Variants in LRCH1 observed in about 807,000 individuals in gnomAD.
The protein encoded by LRCH1 is leucine-rich repeat and calponin homology domain-containing protein 1.
LRCH1 carries 23 observed loss-of-function variants against 94.9 expected under a neutral mutation model. The observed-to-expected ratio is 0.24, with a 90% CI of 0.17 to 0.34. The LOEUF (loss-of-function observed/expected upper bound fraction) is 0.34. LRCH1 is among the 10% of genes least tolerant of loss of function. The pLI, the probability that LRCH1 is intolerant of heterozygous loss-of-function variation, is 1.00. For synonymous variants in LRCH1, 364 were observed against 354.9 expected (o/e 1.03, Z -0.29); for missense variants, 790 against 945.9 (o/e 0.84, Z 2.16).
At chr13:46,570,213 T>C (rs977179177) in intron 1 of LRCH1, among the ~76,000 whole-genome samples, 1 of 152,222 alleles carries the variant, frequency 6.6e-6, no homozygotes, top group East Asian at 1.9e-4. Flanking sequence ...ATCACATGGC[T>C]ACTAAGTGGC....
intron 3 of LRCH1, among the ~76,000 whole-genome samples, chr13:46,672,478 G>A (rs909932094): frequency 1.6e-4 from 24 of 152,220 alleles, no homozygotes; most frequent in African/African-American, 4.6e-4. Flanking sequence ...TCCATCAGCT[G>A]TGCTCTAGAG....
At position 46,572,895 on chromosome 13, in the gene LRCH1, G is replaced by T. The variant is rs138550330; in HGVS notation, c.307+19192G>T. On this transcript the variant is annotated intron_variant, in intron 1 of 19. Transcript: ENST00000389797. The stretch of plus-strand genomic sequence containing the variant: ...TGTGACAAGGATAGTAGCGTGCTCA[G>T]TAGCTTGCAACCACGTTGCCTGGGT... 2.1e-3 allele frequency among the ~76,000 whole-genome samples: 316 copies of T among 152,186 alleles called. 1 individual carries two copies. Among genetic ancestry groups the T allele is most frequent in the African/African-American group, 7.0e-3 (291 of 41,512 alleles).
chr13:46,569,663 C>T (rs1414809195), intron 1 of LRCH1, among the ~76,000 whole-genome samples: 1 of 152,152 alleles, frequency 6.6e-6, no homozygotes, highest in African/African-American at 2.4e-5. Context: ...CACAGGGCCT[C>T]TGGTATCTGG....
In LRCH1 at chr13:46,553,621, G is replaced by A; in HGVS notation, c.225G>A (p.Gly75=). 1.3e-6 allele frequency: 2 copies of A among 1,583,206 alleles called. No homozygotes were observed. The highest frequency in any genetic ancestry group is 2.3e-5 in the East Asian group (1 of 42,752). The change falls in exon 1 of 20, where the codon GGG becomes GGA. Residue 75 remains glycine, a synonymous_variant. Transcript: ENST00000389797. The part of the protein sequence containing the change: ...RALEEAANSG[G]LNLSARKLKE... ...TTGAGGAGGCGGCCAACTCCGGGGGGCTGAACCTGAGCGCCAGGAAATTGA... is the reference window on the plus strand; with the variant it reads ...TTGAGGAGGCGGCCAACTCCGGGGGACTGAACCTGAGCGCCAGGAAATTGA...
chr13:46,688,257 A>G (rs1300292316), intron 6 of LRCH1, among the ~76,000 whole-genome samples: 1 of 152,204 alleles, frequency 6.6e-6, no homozygotes, highest in Admixed American at 6.5e-5. Context: ...TCCTGAGTAA[A>G]TATGTGCATA....
At position 46,652,070 on chromosome 13, in the gene LRCH1, T is replaced by G. The variant is rs539878613; in HGVS notation, c.452+1725T>G. ...GCCTGCTGATGTTTTTTTTTTTTTT[T>G]TTTTTGTTTTGTTTTGTTTGTTTTG... On this transcript the variant is annotated intron_variant, in intron 2 of 19. Coordinates refer to ENST00000389797, the MANE Select transcript of LRCH1 (RefSeq NM_001164211.2). Among the ~76,000 whole-genome samples the G allele has an allele frequency of 3.2e-4, 42 of 132,354 alleles. 2 individuals carry two copies. Among genetic ancestry groups the G allele is most frequent in the African/African-American group, 7.7e-4 (27 of 35,092 alleles). The allele number at this position is 132,354 out of a possible 152,430, so 86.8% of individuals were successfully genotyped here. A position where few individuals can be genotyped will look rare whatever the true frequency, so the allele number is the denominator to read the frequency against.
intron 9 of LRCH1, among the ~76,000 whole-genome samples, chr13:46,695,760 A>C (rs1279387391): frequency 6.6e-6 from 1 of 152,100 alleles, no homozygotes; most frequent in East Asian, 1.9e-4. Flanking sequence ...TGGGATCCCT[A>C]AGTACTCATC....
At chr13:46,719,052 T>C (rs867649811) in intron 16 of LRCH1, among the ~76,000 whole-genome samples, 1 of 152,288 alleles carries the variant, frequency 6.6e-6, no homozygotes, top group African/African-American at 2.4e-5. Flanking sequence ...AAATATCTGC[T>C]GAGTGCCTAT....
At chr13:46,726,498 AG>A (rs1028046264) in intron 17 of LRCH1, among the ~76,000 whole-genome samples, 1 of 152,216 alleles carries the variant, frequency 6.6e-6, no homozygotes, top group Admixed American at 6.5e-5. Context: ...AAGACACAAA[AG>A]TTTTAGACCA....
intron 1 of LRCH1, among the ~76,000 whole-genome samples, chr13:46,587,988 G>A (rs1742685850): frequency 6.6e-6 from 1 of 152,134 alleles, no homozygotes; most frequent in Admixed American, 6.5e-5. Flanking sequence ...AGCATTATGG[G>A]AATATTTAAA....
intron 11 of LRCH1, 121 bp downstream of exon 11, chr13:46,701,328 A>G: frequency 1.6e-6 from 1 of 619,000 alleles, no homozygotes; most frequent in Non-Finnish European, 2.8e-6. Flanking sequence ...AGCTACTAAC[A>G]AAGAAAAGTC....
chr13:46,661,754 G>A (rs1033773109), intron 2 of LRCH1, among the ~76,000 whole-genome samples: 2 of 152,148 alleles, frequency 1.3e-5, no homozygotes, highest in African/African-American at 2.4e-5. Context: ...AGAGGAACGC[G>A]TCTTCAAGTG....
chr13:46,636,158 T>C (rs113535246), intron 1 of LRCH1, among the ~76,000 whole-genome samples: 13,235 of 149,296 alleles, frequency 0.089, 672 homozygotes, highest in Middle Eastern at 0.16. Context: ...TAACCTCTGC[T>C]TCCTGGGTTC....
chr13:46,603,685 T>A (rs1197262853), intron 1 of LRCH1, among the ~76,000 whole-genome samples: 1 of 152,220 alleles, frequency 6.6e-6, no homozygotes, highest in Admixed American at 6.5e-5. Context: ...CAGAGTACTA[T>A]GAGATGAGGG....
At chr13:46,601,776 G>T (rs1232994747) in intron 1 of LRCH1, among the ~76,000 whole-genome samples, 1 of 152,130 alleles carries the variant, frequency 6.6e-6, no homozygotes, top group African/African-American at 2.4e-5. Context: ...GCTGTTTTTC[G>T]TAGGGGGTTA....
rs376232729 is a variant in LRCH1, at chr13:46,652,494, T to C, written c.452+2149T>C. Reference sequence around the variant, plus strand: ...GGTGTAGGTTACTGTTAGGATTGTCTGGAGGCTCATATATCTAATCTTCAC... The same window carrying C: ...GGTGTAGGTTACTGTTAGGATTGTCCGGAGGCTCATATATCTAATCTTCAC... On this transcript the variant is annotated intron_variant, in intron 2 of 19. Transcript: ENST00000389797. Among the ~76,000 whole-genome samples the C allele has an allele frequency of 4.6e-5, 7 of 152,302 alleles. No individual in the cohort carries two copies. The South Asian group carries it at 6.2e-4, about 14-fold the overall frequency.
At chr13:46,603,181 G>T (rs2050650296) in intron 1 of LRCH1, among the ~76,000 whole-genome samples, 1 of 152,008 alleles carries the variant, frequency 6.6e-6, no homozygotes, top group Non-Finnish European at 1.5e-5. Context: ...GACACGGAGA[G>T]CCTCTAATTT....
Position 46,742,310 on chromosome 13 carries a change from G to T in LRCH1, c.*462G>T, listed in dbSNP as rs1873704717. On this transcript the variant is annotated 3_prime_UTR_variant, in exon 20 of 20. Transcript: ENST00000389797. Reference sequence around the variant, plus strand: ...GAGCTGTATAGGGGCCACCTTGCAGGGAGGACAGAAAACTAACATTTTGGC... The same window carrying T: ...GAGCTGTATAGGGGCCACCTTGCAGTGAGGACAGAAAACTAACATTTTGGC... 5.0e-6 allele frequency: 5 copies of T among 1,001,076 alleles called. No individual in the cohort carries two copies. The South Asian group carries it at 2.2e-4, about 44-fold the overall frequency. The allele number at this position is 1,001,076 out of a possible 1,614,324, so 62.0% of individuals were successfully genotyped here.
At position 46,681,851 on chromosome 13, in the gene LRCH1, A is replaced by G. The variant is rs2051755658; in HGVS notation, c.685+5A>G. The stretch of plus-strand genomic sequence containing the variant: ...ACCTTAAAGTTTTACCACAAGGTAA[A>G]AAAGAAAGAGGGAAAATGAAGAAAA... On this transcript the variant is annotated splice_donor_5th_base_variant and intron_variant, in intron 4 of 19. Transcript: ENST00000389797. The G allele has an allele frequency of 2.5e-6, 4 of 1,573,044 alleles. No homozygotes were observed. The South Asian group carries it at 4.5e-5, about 18-fold the overall frequency.
Sources: allele counts gnomAD v4.1 joint callset (sites outside exome capture counted in the v4.1 genomes callset), GRCh38; gene constraint gnomAD v4.1.1; transcripts MANE v1.5; gene names NCBI Gene and HGNC (gene_info 2026-07-23, HGNC 2026-07-21).